The following DNAJB6 variants were observed in gnomAD, a reference collection of about 807,000 sequenced individuals.
DNAJB6 encodes dnaJ homolog subfamily B member 6.
Under a neutral mutation model 42.7 loss-of-function variants are expected in DNAJB6, and 16 were observed. The ratio of observed to expected loss-of-function variants is 0.37; its 90% CI spans 0.25 to 0.57. The LOEUF (loss-of-function observed/expected upper bound fraction) is 0.57, where lower values mean the gene tolerates loss of function less well. DNAJB6 is among the 20% of genes least tolerant of loss of function. DNAJB6 has a pLI of 0.74. For synonymous variants in DNAJB6, 170 were observed against 163.5 expected, an observed-to-expected ratio of 1.04 and a Z score of -0.30; for missense variants, 347 against 416.8, an observed-to-expected ratio of 0.83 and a Z score of 1.46.
chr7:157,347,654 T>A (rs745521072), intron 1 of DNAJB6, among the ~76,000 whole-genome samples: 6 of 152,238 alleles, frequency 3.9e-5, no homozygotes, highest in African/African-American at 7.2e-5. Context: ...CAGTAACACA[T>A]TGTTGCCCCA....
chr7:157,372,642 G>A (rs1042301444), intron 5 of DNAJB6, among the ~76,000 whole-genome samples: 2 of 152,170 alleles, frequency 1.3e-5, no homozygotes, highest in Non-Finnish European at 2.9e-5. Context: ...CAGCCCTGAA[G>A]CACAGGCCGG....
At chr7:157,344,435 C>G (rs1392330771) in intron 1 of DNAJB6, among the ~76,000 whole-genome samples, 1 of 151,464 alleles carries the variant, frequency 6.6e-6, no homozygotes, top group Non-Finnish European at 1.5e-5. Flanking sequence ...ATCGCTGGAA[C>G]CAGGGAGGTG....
intron 8 of DNAJB6, among the ~76,000 whole-genome samples, chr7:157,389,120 A>G (rs1438436732): frequency 6.6e-6 from 1 of 152,212 alleles, no homozygotes; most frequent in African/African-American, 2.4e-5. Context: ...TACAATGTGG[A>G]AACGCTTGAG....
chr7:157,355,618 G>A (rs923051770), intron 1 of DNAJB6, among the ~76,000 whole-genome samples: 2 of 152,206 alleles, frequency 1.3e-5, no homozygotes, highest in Admixed American at 6.5e-5. Context: ...GTGGCAGGCA[G>A]TGGGGAGCTG....
chr7:157,360,248 G>A (rs889775374), intron 2 of DNAJB6, among the ~76,000 whole-genome samples: 2 of 152,158 alleles, frequency 1.3e-5, no homozygotes, highest in Non-Finnish European at 2.9e-5. Context: ...AGAGAATGAG[G>A]AAGAAGCAAA....
intron 9 of DNAJB6, chr7:157,411,131 C>A (rs1384462717): frequency 6.6e-6 from 1 of 151,892 alleles, no homozygotes; most frequent in African/African-American, 2.4e-5. Context: ...GCTGCATGCA[C>A]CCAGAAAGAA....
intron 2 of DNAJB6, among the ~76,000 whole-genome samples, chr7:157,360,444 T>C (rs763256436): frequency 6.6e-6 from 1 of 152,222 alleles, no homozygotes; most frequent in African/African-American, 2.4e-5. Context: ...TATCAATGGA[T>C]AAGCATAATA....
chr7:157,385,405 C>A, intron 7 of DNAJB6, 136 bp from the exon 8 acceptor site: 2 of 920,946 alleles, frequency 2.2e-6, no homozygotes, highest in Non-Finnish European at 1.7e-6. Context: ...GACAGGTTGG[C>A]TTCAGCCATG....
Position 157,385,504 on chromosome 7 carries a change from T to C in DNAJB6, c.621-37T>C, listed in dbSNP as rs781227828. 8 of 1,603,414 alleles carry C rather than the reference T, an allele frequency of 5.0e-6. No individual in the cohort carries two copies. The Middle Eastern group carries it at 5.0e-4, about 100-fold the overall frequency. ...GTTACCCTCACACATGCATTTTCTT[T>C]ACCAGAAAGGTTTTTAAATGAATTT... is the stretch of plus-strand genomic sequence containing the variant. On this transcript the variant is annotated intron_variant, in intron 7 of 9. Transcript: ENST00000262177.
chr7:157,402,306 CTCT>C (rs1795554392), intron 8 of DNAJB6, among the ~76,000 whole-genome samples: 1 of 152,230 alleles, frequency 6.6e-6, no homozygotes, highest in Non-Finnish European at 1.5e-5. Context: ...GGGAAGGCGC[CTCT>C]TCTTCCCTGA....
chr7:157,340,998 G>GTGTGTGTGCGCGCGCGCGCGCGCT (rs67210462), intron 1 of DNAJB6, among the ~76,000 whole-genome samples: 1,606 of 134,840 alleles, frequency 0.012, 11 homozygotes, highest in Non-Finnish European at 0.019. Flanking sequence ...GTGTGTGTGT[G>GTGTGTGTGCGCGCGCGCGCGCGCT]CGCGCGCGCA....
chr7:157,342,266 C>G (rs1798433872), intron 1 of DNAJB6, among the ~76,000 whole-genome samples: 1 of 150,592 alleles, frequency 6.6e-6, no homozygotes, highest in African/African-American at 2.4e-5. Flanking sequence ...CTCCTAGTGT[C>G]AAGTGATTCT....
At chr7:157,376,302 C>G (rs1800468486) in intron 5 of DNAJB6, among the ~76,000 whole-genome samples, 1 of 152,090 alleles carries the variant, frequency 6.6e-6, no homozygotes, top group Non-Finnish European at 1.5e-5. Context: ...TGTGACTGTT[C>G]TTTAGATAGT....
At chr7:157,352,554 T>C (rs1404774280) in intron 1 of DNAJB6, among the ~76,000 whole-genome samples, 1 of 151,988 alleles carries the variant, frequency 6.6e-6, no homozygotes. Context: ...GGTGAGGGTG[T>C]GGCATCTCTG....
At chr7:157,360,136 T>G (rs559881182) in intron 2 of DNAJB6, among the ~76,000 whole-genome samples, 10 of 152,340 alleles carry the variant, frequency 6.6e-5, no homozygotes, top group Non-Finnish European at 1.5e-4. Flanking sequence ...TACCTGAGAC[T>G]GGGAAGAAAA....
chr7:157,393,893 T>C (rs913639386), intron 8 of DNAJB6, among the ~76,000 whole-genome samples: 3 of 152,202 alleles, frequency 2.0e-5, no homozygotes, highest in Non-Finnish European at 2.9e-5. Context: ...TGAGGGGTTT[T>C]CTTTCATATC....
intron 7 of DNAJB6, among the ~76,000 whole-genome samples, 191 bp from the exon 8 acceptor site, chr7:157,385,350 A>AT (rs1801000178): frequency 1.3e-5 from 2 of 152,160 alleles, no homozygotes; most frequent in Admixed American, 1.3e-4. Flanking sequence ...GACACAATTT[A>AT]TTTTGTCAGG....
At chr7:157,341,615 G>A (rs1465460008) in intron 1 of DNAJB6, among the ~76,000 whole-genome samples, 1 of 152,172 alleles carries the variant, frequency 6.6e-6, no homozygotes, top group African/African-American at 2.4e-5. Context: ...GTATGCTTAT[G>A]AACTGTGTAC....
intron 8 of DNAJB6, among the ~76,000 whole-genome samples, chr7:157,406,641 G>T (rs1795776724): frequency 1.3e-5 from 2 of 152,162 alleles, no homozygotes; most frequent in African/African-American, 4.8e-5. Flanking sequence ...TGGCCGTGGA[G>T]CCTGCACCTT....
Sources: gnomAD v4.1 joint callset for allele counts (sites outside exome capture counted in the v4.1 genomes callset) on GRCh38, gnomAD v4.1.1 for gene constraint, MANE v1.5 for transcripts, NCBI Gene and HGNC (gene_info 2026-07-23, HGNC 2026-07-21) for gene names.